CPA6: variants seen among roughly 807,000 people sequenced by gnomAD.
The protein encoded by CPA6 is carboxypeptidase A6.
Under a neutral mutation model 63.3 loss-of-function variants are expected in CPA6, and 58 were observed. The observed-to-expected ratio is 0.92, with a 90% CI of 0.74 to 1.14. The LOEUF (loss-of-function observed/expected upper bound fraction) is 1.14. CPA6 is among the 50% of genes most tolerant of loss of function. The pLI, the probability that CPA6 is intolerant of heterozygous loss-of-function variation, is 0.00. For synonymous variants in CPA6, 185 were observed against 179.0 expected (o/e 1.03, Z -0.27); for missense variants, 565 against 526.6 (o/e 1.07, Z -0.71).
intron 1 of CPA6, among the ~76,000 whole-genome samples, chr8:67,669,873 A>T (rs1333447166): frequency 6.6e-6 from 1 of 152,116 alleles, no homozygotes; most frequent in Non-Finnish European, 1.5e-5. Flanking sequence ...CCAGCACTTC[A>T]GTATCTGTAA....
intron 1 of CPA6, among the ~76,000 whole-genome samples, chr8:67,630,758 G>A (rs79674136): frequency 0.044 from 6,695 of 152,296 alleles, 181 homozygotes; most frequent in South Asian, 0.11. Flanking sequence ...GGCTGCGCAC[G>A]GTGCTAGTGG....
chr8:67,552,572 G>A (rs754753913), intron 2 of CPA6, among the ~76,000 whole-genome samples: 43 of 151,934 alleles, frequency 2.8e-4, no homozygotes, highest in Non-Finnish European at 4.9e-4. Flanking sequence ...AGGAGATCAA[G>A]ACCATCCTGG....
chr8:67,493,152 G>A (rs1364134425), intron 6 of CPA6, among the ~76,000 whole-genome samples: 2 of 152,176 alleles, frequency 1.3e-5, no homozygotes, highest in Non-Finnish European at 2.9e-5. Context: ...TCTGGGCTTA[G>A]TAGCTGTCTC....
intron 1 of CPA6, among the ~76,000 whole-genome samples, chr8:67,660,322 GTTTTTT>G (rs869189030): frequency 2.2e-4 from 16 of 73,906 alleles, no homozygotes; most frequent in African/African-American, 6.3e-4. Flanking sequence ...ATTATTGCAG[GTTTTTT>G]TTTTTTTTTT....
At chr8:67,642,644 A>G (rs900744336) in intron 1 of CPA6, among the ~76,000 whole-genome samples, 1 of 152,210 alleles carries the variant, frequency 6.6e-6, no homozygotes, top group African/African-American at 2.4e-5. Flanking sequence ...GTAGTCCAAT[A>G]TATCAGAAGC....
intron 1 of CPA6, among the ~76,000 whole-genome samples, chr8:67,684,652 G>A (rs759985263): frequency 1.3e-4 from 20 of 152,162 alleles, no homozygotes; most frequent in African/African-American, 1.9e-4. Context: ...TAACTCTAGA[G>A]AAGCGGGGCT....
chr8:67,733,196 C>CAA lies in CPA6; in HGVS notation c.116+12816_116+12817dup, dbSNP rs1211323183. ...TGGGCTACAGAGCGAGACTCCATCT[C>CAA]AAAAAAAAAAAAAAAAAAAAAAAAA... On this transcript the variant is annotated intron_variant, in intron 1 of 10. Coordinates refer to ENST00000297770, the MANE Select transcript of CPA6 (RefSeq NM_020361.5). 4.6e-3 allele frequency among the ~76,000 whole-genome samples: 68 copies of CAA among 14,868 alleles called. 5 individuals carry two copies. Among genetic ancestry groups the CAA allele is most frequent in the East Asian group, 9.4e-3 (4 of 424 alleles). 9.8% of individuals were successfully genotyped at this position (14,868 alleles called of 152,430 possible). A position where few individuals can be genotyped will look rare whatever the true frequency, so the allele number is the denominator to read the frequency against.
rs556956744 is a variant in CPA6, at chr8:67,533,184, C to T, written c.193-15137G>A. ...ACAGCAGAGGGACATTTTGCCCTCACAATCTCACCTCCATATCTATATCCT... is the reference window on the plus strand; with the variant it reads ...ACAGCAGAGGGACATTTTGCCCTCATAATCTCACCTCCATATCTATATCCT... On this transcript the variant is annotated intron_variant, in intron 2 of 10. Coordinates refer to ENST00000297770, the MANE Select transcript of CPA6 (RefSeq NM_020361.5). Among the ~76,000 whole-genome samples the T allele has an allele frequency of 4.1e-4, 62 of 152,334 alleles. 1 individual carries two copies. The South Asian group carries it at 6.4e-3, about 16-fold the overall frequency.
At chr8:67,484,868 C>T in intron 6 of CPA6, 79 bp from the exon 7 acceptor site, 2 of 721,346 alleles carry the variant, frequency 2.8e-6, no homozygotes, top group Non-Finnish European at 4.8e-6. Context: ...CCTTTCTATC[C>T]ATGAGAACTA....
At chr8:67,490,463 G>A (rs921891661) in intron 6 of CPA6, among the ~76,000 whole-genome samples, 1 of 152,066 alleles carries the variant, frequency 6.6e-6, no homozygotes, top group African/African-American at 2.4e-5. Flanking sequence ...TGCACCACAC[G>A]CCTCAGTGTG....
In CPA6 at chr8:67,454,556, A is replaced by G. The variant is rs186911508; in HGVS notation, c.839-20316T>C. ...AGGAGCAAGCAGCATCAAACTCATCATTCTTAATGTTTTAGGAGTATAAGA... is the reference window on the plus strand; with the variant it reads ...AGGAGCAAGCAGCATCAAACTCATCGTTCTTAATGTTTTAGGAGTATAAGA... On this transcript the variant is annotated intron_variant, in intron 8 of 10. Coordinates refer to ENST00000297770, the MANE Select transcript of CPA6 (RefSeq NM_020361.5). Among the ~76,000 whole-genome samples, 3 of 152,346 alleles carry G rather than the reference A, an allele frequency of 2.0e-5. No individual in the cohort carries two copies. The East Asian group carries it at 5.8e-4, about 29-fold the overall frequency.
At chr8:67,483,079 C>T (rs1503362) in intron 8 of CPA6, among the ~76,000 whole-genome samples, 4,535 of 152,256 alleles carry the variant, frequency 0.03, 227 homozygotes, top group African/African-American at 0.1. Flanking sequence ...GAGGGACCTA[C>T]AGAAAGACTC....
chr8:67,729,920 C>T (rs1406880485), intron 1 of CPA6, among the ~76,000 whole-genome samples: 1 of 152,208 alleles, frequency 6.6e-6, no homozygotes, highest in African/African-American at 2.4e-5. Context: ...CCCAATTTGG[C>T]CATTTCTGTT....
At chr8:67,443,635 C>A (rs1023932916) in intron 8 of CPA6, among the ~76,000 whole-genome samples, 2 of 152,180 alleles carry the variant, frequency 1.3e-5, no homozygotes, top group Admixed American at 6.5e-5. Flanking sequence ...AAACCCCATA[C>A]TTTTTAGCAG....
At chr8:67,475,962 T>TTC (rs1296674226) in intron 8 of CPA6, among the ~76,000 whole-genome samples, 1 of 145,596 alleles carries the variant, frequency 6.9e-6, no homozygotes, top group Non-Finnish European at 1.5e-5. Flanking sequence ...TTCTTTCTCT[T>TTC]TCTCTCTCTC....
intron 1 of CPA6, among the ~76,000 whole-genome samples, chr8:67,713,125 A>G (rs1425226336): frequency 5.3e-5 from 7 of 132,768 alleles, no homozygotes; most frequent in African/African-American, 2.0e-4. Context: ...ATATATATAT[A>G]TATATATATA....
intron 1 of CPA6, among the ~76,000 whole-genome samples, chr8:67,662,263 C>A (rs1816126385): frequency 6.6e-6 from 1 of 152,112 alleles, no homozygotes; most frequent in South Asian, 2.1e-4. Flanking sequence ...CATCAGGTGA[C>A]AAGAAACCTA....
At chr8:67,691,032 C>T (rs964643539) in intron 1 of CPA6, among the ~76,000 whole-genome samples, 1 of 152,178 alleles carries the variant, frequency 6.6e-6, no homozygotes, top group Non-Finnish European at 1.5e-5. Context: ...ACTTTCTGTA[C>T]ATTAACTTGA....
At chr8:67,702,843 AC>A (rs748900641) in intron 1 of CPA6, among the ~76,000 whole-genome samples, 10 of 151,986 alleles carry the variant, frequency 6.6e-5, no homozygotes, top group Admixed American at 2.0e-4. Flanking sequence ...AATGTATAAA[AC>A]CCCAAGTCAA....
Sources: gnomAD v4.1 joint callset for allele counts (sites outside exome capture counted in the v4.1 genomes callset) on GRCh38, gnomAD v4.1.1 for gene constraint, MANE v1.5 for transcripts, NCBI Gene and HGNC (gene_info 2026-07-23, HGNC 2026-07-21) for gene names.